The following CCT5 variants were observed in gnomAD, a reference collection of about 807,000 sequenced individuals.
CCT5 encodes the protein T-complex protein 1 subunit epsilon.
CCT5 carries 6 observed loss-of-function variants against 55.0 expected under a neutral mutation model. The observed-to-expected ratio is 0.11, with a 90% CI of 0.06 to 0.22. CCT5 has a LOEUF of 0.22. Ranked by LOEUF, CCT5 falls within the 10% of genes least tolerant of loss-of-function variation. The probability of loss-of-function intolerance (pLI) is 1.00; values close to 1 mark genes in which losing one functional copy is unlikely to be tolerated. For synonymous variants in CCT5, 231 were observed against 243.7 expected (o/e 0.95, Z 0.49); for missense variants, 560 against 694.6 (o/e 0.81, Z 2.18).
intron 6 of CCT5, 26 bp downstream of exon 6, chr5:10,258,561 G>A: frequency 6.3e-7 from 1 of 1,596,912 alleles, no homozygotes; most frequent in Non-Finnish European, 8.6e-7. Context: ...GTCCTCAGTG[G>A]AATTTAAACT....
chr5:10,266,120 A>T lies in CCT5; in HGVS notation c.*1337A>T, dbSNP rs981597155. ...TTTATATGGAACTATGCAGTTGAGT[A>T]TTGAAAGCTTTAAACTGAGTTTATT... On this transcript the variant is annotated 3_prime_UTR_variant, in exon 11 of 11. Coordinates refer to ENST00000280326, the MANE Select transcript of CCT5 (RefSeq NM_012073.5). The T allele has an allele frequency of 8.5e-5, 13 of 152,218 alleles. No homozygotes were observed. The highest frequency in any genetic ancestry group is 3.1e-4 in the African/African-American group (13 of 41,434). The allele number at this position is 152,218 out of a possible 1,614,324, so 9.4% of individuals were successfully genotyped here. A position where few individuals can be genotyped will look rare whatever the true frequency, so the allele number is the denominator to read the frequency against.
chr5:10,262,396 T>A (rs1482270692), intron 8 of CCT5, 85 bp from the exon 9 acceptor site: 10 of 1,439,936 alleles, frequency 6.9e-6, no homozygotes, highest in African/African-American at 1.4e-5. Context: ...GCACAGCCTC[T>A]CTGTCTTTAA....
chr5:10,262,268 T>C, intron 8 of CCT5: 1 of 579,918 alleles, frequency 1.7e-6, no homozygotes, highest in South Asian at 1.9e-5. Context: ...TGCTTGACCG[T>C]GTATCCTAGA....
chr5:10,258,743 TA>T (rs1745805393), intron 6 of CCT5, among the ~76,000 whole-genome samples: 1 of 152,254 alleles, frequency 6.6e-6, no homozygotes, highest in African/African-American at 2.4e-5. Flanking sequence ...GCCATGCCTA[TA>T]ATCCCAGCAC....
At chr5:10,253,867 G>T (rs1442290334) in intron 1 of CCT5, among the ~76,000 whole-genome samples, 1 of 152,218 alleles carries the variant, frequency 6.6e-6, no homozygotes, top group Admixed American at 6.5e-5. Flanking sequence ...CCTCTTCTCA[G>T]CTGTAAATGG....
At chr5:10,255,028 C>G in intron 3 of CCT5, 190 bp downstream of exon 3, 1 of 612,668 alleles carries the variant, frequency 1.6e-6, no homozygotes, top group Admixed American at 2.6e-5. Flanking sequence ...AGAAAGAGGG[C>G]TGGGGATTGT....
chr5:10,250,532 C>G, intron 1 of CCT5, 87 bp downstream of exon 1: 2 of 1,565,040 alleles, frequency 1.3e-6, no homozygotes, highest in Non-Finnish European at 1.7e-6. Flanking sequence ...AGGAGCGGCT[C>G]TGCCATGTGC....
chr5:10,260,513 G>GT (rs1240814903), intron 6 of CCT5, among the ~76,000 whole-genome samples: 1 of 149,990 alleles, frequency 6.7e-6, no homozygotes, highest in Non-Finnish European at 1.5e-5. Context: ...GTTTCTGTGG[G>GT]TTTTGCCTCA....
intron 2 of CCT5, 80 bp from the exon 3 acceptor site, chr5:10,254,593 TG>T: frequency 8.5e-7 from 1 of 1,183,238 alleles, no homozygotes; most frequent in Non-Finnish European, 1.3e-6. Context: ...AGATAAGAGC[TG>T]GGTCAGGAGG....
intron 10 of CCT5, among the ~76,000 whole-genome samples, chr5:10,264,209 A>G (rs1343396455): frequency 6.6e-6 from 1 of 152,092 alleles, no homozygotes; most frequent in Non-Finnish European, 1.5e-5. Flanking sequence ...CGGGACGCAG[A>G]GGTTCCAGTG....
At position 10,263,751 on chromosome 5, in the gene CCT5, G is replaced by A. The variant is rs77264991; in HGVS notation, c.1498+437G>A. On this transcript the variant is annotated intron_variant, in intron 10 of 10. Transcript: ENST00000280326. ...ACCTCTGTAGCCACTTGTGTAGCTC[G>A]GCTCCCAAAAAGATATGGTGGCTGT... 9.2e-3 allele frequency among the ~76,000 whole-genome samples: 1,388 copies of A among 151,592 alleles called. 20 individuals are homozygous for A. The highest frequency in any genetic ancestry group is 0.031 in the African/African-American group (1,273 of 41,286).
intron 7 of CCT5, chr5:10,261,153 C>A: frequency 1.8e-6 from 1 of 545,690 alleles, no homozygotes; most frequent in Non-Finnish European, 3.3e-6. Context: ...TTGGCCCTGT[C>A]GTTGACTTAC....
rs1491497018 is a variant in CCT5 at position 10,265,776 on chromosome 5, CTG to C, written c.*995_*996del. On this transcript the variant is annotated 3_prime_UTR_variant, in exon 11 of 11. Coordinates refer to ENST00000280326, the MANE Select transcript of CCT5 (RefSeq NM_012073.5). ...AGAGTGGCCCAGCTCATCCCCTACT[CTG>C]TTATTTGCTTGTTAATGATTCTCTA... 1.2e-4 allele frequency: 18 copies of C among 151,378 alleles called. No individual in the cohort carries two copies. Among genetic ancestry groups the C allele is most frequent in the African/African-American group, 4.4e-4 (18 of 41,066 alleles). The allele number at this position is 151,378 out of a possible 1,614,324, so 9.4% of individuals were successfully genotyped here.
At chr5:10,255,861 C>T in intron 3 of CCT5, 94 bp from the exon 4 acceptor site, 2 of 1,094,996 alleles carry the variant, frequency 1.8e-6, no homozygotes, top group Non-Finnish European at 2.7e-6. Flanking sequence ...CTAGAAGCTG[C>T]TTCTTTCCAT....
intron 1 of CCT5, 149 bp from the exon 2 acceptor site, chr5:10,253,996 A>T: frequency 1.5e-6 from 1 of 653,228 alleles, no homozygotes. Context: ...AAATGTTATA[A>T]TACTTAAACC....
In CCT5 at chr5:10,263,120, C is replaced by T. The variant is rs1447774823; in HGVS notation, c.1318-14C>T. The T allele has an allele frequency of 6.2e-7, 1 of 1,613,600 alleles. No homozygotes were observed. The highest frequency in any genetic ancestry group is 8.5e-7 in the Non-Finnish European group (1 of 1,179,626). ...TTCGCCAAGTGCACTCACCATACTT[C>T]TGTACCTTTCCAGTGCCCCACCTTA... is the stretch of plus-strand genomic sequence containing the variant. On this transcript the variant is annotated splice_polypyrimidine_tract_variant and intron_variant, in intron 9 of 10. Coordinates refer to ENST00000280326, the MANE Select transcript of CCT5 (RefSeq NM_012073.5).
chr5:10,251,383 G>A (rs1423791905), intron 1 of CCT5, among the ~76,000 whole-genome samples: 1 of 152,198 alleles, frequency 6.6e-6, no homozygotes, highest in Admixed American at 6.5e-5. Context: ...AACCAGGGCA[G>A]GGGTGCAGGT....
Position 10,263,453 on chromosome 5 carries a change from T to C in CCT5, c.1498+139T>C. ...CTTCAGGTGTTCAAGTCCTGAATTTTAGAATGTTTGATTGCCGTAGGAATT... is the reference window on the plus strand; with the variant it reads ...CTTCAGGTGTTCAAGTCCTGAATTTCAGAATGTTTGATTGCCGTAGGAATT... On this transcript the variant is annotated intron_variant, in intron 10 of 10. Coordinates refer to ENST00000280326, the MANE Select transcript of CCT5 (RefSeq NM_012073.5). The C allele has an allele frequency of 2.6e-6, 2 of 770,846 alleles. 1 individual carries two copies. Among genetic ancestry groups the C allele is most frequent in the South Asian group, 3.3e-5 (2 of 59,832 alleles). The allele number at this position is 770,846 out of a possible 1,614,324, so 47.8% of individuals were successfully genotyped here. A position where few individuals can be genotyped will look rare whatever the true frequency, so the allele number is the denominator to read the frequency against.
intron 10 of CCT5, 24 bp downstream of exon 10, chr5:10,263,338 G>T: frequency 7.3e-7 from 1 of 1,375,752 alleles, no homozygotes; most frequent in South Asian, 1.2e-5. Context: ...ACGCCTCTGC[G>T]TGGAGGGGGG....
Sources: allele counts gnomAD v4.1 joint callset (sites outside exome capture counted in the v4.1 genomes callset), GRCh38; gene constraint gnomAD v4.1.1; transcripts MANE v1.5; gene names NCBI Gene and HGNC (gene_info 2026-07-23, HGNC 2026-07-21).